The following ANK2 variants were observed in gnomAD, a reference collection of about 807,000 sequenced individuals.
The protein encoded by ANK2 is ankyrin-2.
In ANK2, 83 loss-of-function variants were observed where a neutral mutation model predicts 360.5. The observed-to-expected ratio is 0.23, with a 90% CI of 0.19 to 0.28. ANK2 has a LOEUF of 0.28. Among genes scored for constraint, ANK2 ranks in the 10% least tolerant of loss-of-function variants. The probability of loss-of-function intolerance (pLI) is 1.00; values close to 1 mark genes in which losing one functional copy is unlikely to be tolerated. For missense variants in ANK2, 4,201 were observed against 4,795.7 expected, an observed-to-expected ratio of 0.88 and a Z score of 3.66; for synonymous variants, 1,740 against 1,759.5, an observed-to-expected ratio of 0.99 and a Z score of 0.28.
the ANK2 span, among the ~76,000 whole-genome samples, chr4:112,784,350 ATTTTT>A: frequency 4.3e-5 from 3 of 69,554 alleles, no homozygotes; most frequent in Admixed American, 2.1e-4. Flanking sequence ...ACCCTGACTG[ATTTTT>A]TTTTTTTTTT....
At chr4:113,007,763 A>C (rs898862841) in intron 2 of ANK2, among the ~76,000 whole-genome samples, 6 of 152,182 alleles carry the variant, frequency 3.9e-5, no homozygotes, top group African/African-American at 1.4e-4. Context: ...GGCATAACTA[A>C]AATTAAAACA....
chr4:113,262,616 T>A (rs1220297534), intron 13 of ANK2, among the ~76,000 whole-genome samples: 1 of 152,012 alleles, frequency 6.6e-6, no homozygotes, highest in Non-Finnish European at 1.5e-5. Flanking sequence ...TTAATCAATC[T>A]TGGATTGAAA....
chr4:112,742,116 C>T, the ANK2 span, among the ~76,000 whole-genome samples: 3 of 151,574 alleles, frequency 2.0e-5, no homozygotes, highest in Non-Finnish European at 4.4e-5. Flanking sequence ...CGTTTGCAGC[C>T]AAATTTTAAA....
At chr4:113,167,543 C>A (rs1430020604) in intron 1 of ANK2, among the ~76,000 whole-genome samples, 2 of 152,118 alleles carry the variant, frequency 1.3e-5, no homozygotes, top group African/African-American at 4.8e-5. Flanking sequence ...AAGCAATCCA[C>A]CCTCCTCAGC....
intron 2 of ANK2, among the ~76,000 whole-genome samples, chr4:113,025,774 G>A (rs1413072065): frequency 6.6e-6 from 1 of 152,128 alleles, no homozygotes. Context: ...CTCACTCTGA[G>A]ATCAGAAATT....
At chr4:112,928,560 G>A (rs1203223174) in intron 2 of ANK2, among the ~76,000 whole-genome samples, 1 of 152,028 alleles carries the variant, frequency 6.6e-6, no homozygotes, top group African/African-American at 2.4e-5. Flanking sequence ...TGGTTATAGG[G>A]TCTATAAAGG....
the ANK2 span, among the ~76,000 whole-genome samples, chr4:112,803,491 C>A: frequency 2.7e-3 from 416 of 152,078 alleles, 2 homozygotes; most frequent in African/African-American, 9.7e-3. Flanking sequence ...TGGATGCGGT[C>A]ACAAGTCAAA....
chr4:113,076,923 C>T (rs1018506122), intron 1 of ANK2, among the ~76,000 whole-genome samples: 1 of 151,438 alleles, frequency 6.6e-6, no homozygotes, highest in South Asian at 2.1e-4. Context: ...TTACAAGAAA[C>T]CTATAATAGA....
At chr4:112,972,658 A>G (rs1309743868) in intron 2 of ANK2, among the ~76,000 whole-genome samples, 1 of 152,088 alleles carries the variant, frequency 6.6e-6, no homozygotes, top group African/African-American at 2.4e-5. Flanking sequence ...CACAAATATA[A>G]TTTCCTCAAC....
chr4:112,967,320 A>G (rs911188160), intron 2 of ANK2, among the ~76,000 whole-genome samples: 3 of 152,232 alleles, frequency 2.0e-5, no homozygotes, highest in African/African-American at 7.2e-5. Context: ...CTTTCCTTTT[A>G]CAAGTGAGCA....
intron 4 of ANK2, among the ~76,000 whole-genome samples, chr4:113,217,721 C>T (rs1206687159): frequency 6.6e-6 from 1 of 152,150 alleles, no homozygotes; most frequent in Admixed American, 6.5e-5. Context: ...CTCTCCCCCG[C>T]CCCGACTCAC....
chr4:112,822,474 G>A (rs1414520569), intron 1 of ANK2, among the ~76,000 whole-genome samples: 1 of 151,220 alleles, frequency 6.6e-6, no homozygotes, highest in Non-Finnish European at 1.5e-5. Flanking sequence ...GCTGGGCATA[G>A]TAGCTCATGC....
chr4:112,767,693 A>T, the ANK2 span, among the ~76,000 whole-genome samples: 45 of 152,376 alleles, frequency 3.0e-4, no homozygotes, highest in East Asian at 7.7e-3. Context: ...AGACAATGTT[A>T]TCTCTCTGAA....
intron 1 of ANK2, among the ~76,000 whole-genome samples, chr4:113,078,847 C>A (rs1306465503): frequency 6.6e-6 from 1 of 152,272 alleles, no homozygotes; most frequent in South Asian, 2.1e-4. Flanking sequence ...TTTAGCCATT[C>A]ACATAAAAAT....
chr4:112,827,637 A>G (rs369503257), intron 1 of ANK2: 40 of 791,526 alleles, frequency 5.1e-5, no homozygotes, highest in African/African-American at 3.3e-4. Flanking sequence ...GATCCTTGCA[A>G]TTTACTGCCA....
chr4:113,094,535 T>C (rs575820623), intron 1 of ANK2, among the ~76,000 whole-genome samples: 24 of 151,896 alleles, frequency 1.6e-4, no homozygotes, highest in African/African-American at 5.3e-4. Flanking sequence ...TGTGTGTGTG[T>C]GTGCATGCAT....
At chr4:113,346,908 A>G (rs1436356817) in intron 35 of ANK2, among the ~76,000 whole-genome samples, 2 of 152,136 alleles carry the variant, frequency 1.3e-5, no homozygotes, top group Admixed American at 6.6e-5. Flanking sequence ...TGGATAATTT[A>G]TGTTTCATTC....
At chr4:113,184,344 A>G (rs2098473376) in intron 2 of ANK2, among the ~76,000 whole-genome samples, 1 of 151,876 alleles carries the variant, frequency 6.6e-6, no homozygotes, top group South Asian at 2.1e-4. Flanking sequence ...AGAGGACATG[A>G]TAAGTTTAGC....
At chr4:113,366,231 T>G (rs986622277) in intron 41 of ANK2, among the ~76,000 whole-genome samples, 4 of 152,136 alleles carry the variant, frequency 2.6e-5, no homozygotes, top group Non-Finnish European at 5.9e-5. Context: ...TTCACTCTAG[T>G]CAATCTTATA....
Sources: allele counts gnomAD v4.1 joint callset (sites outside exome capture counted in the v4.1 genomes callset), GRCh38; gene constraint gnomAD v4.1.1; transcripts MANE v1.5; gene names NCBI Gene and HGNC (gene_info 2026-07-23, HGNC 2026-07-21).